The following DGKI variants were observed in gnomAD, a reference collection of about 807,000 sequenced individuals.
DGKI encodes diacylglycerol kinase iota, also known as DAG kinase iota.
In DGKI, 55 loss-of-function variants were observed where a neutral mutation model predicts 147.5. That is an observed-to-expected ratio of 0.37 (90% CI 0.30 to 0.47). The LOEUF is 0.47. Ranked by LOEUF, DGKI falls within the 20% of genes least tolerant of loss-of-function variation. The pLI is 1.00. For synonymous variants in DGKI, 469 were observed against 477.1 expected (o/e 0.98, Z 0.22); for missense variants, 1,007 against 1,323.8 (o/e 0.76, Z 3.71).
intron 8 of DGKI, 53 bp downstream of exon 8, chr7:137,619,771 G>T: frequency 1.5e-6 from 2 of 1,364,392 alleles, no homozygotes; most frequent in Non-Finnish European, 2.1e-6. Flanking sequence ...GCACGAAGCA[G>T]CAGTTCATTT....
chr7:137,663,964 T>G (rs551536606), intron 3 of DGKI, among the ~76,000 whole-genome samples: 2 of 152,124 alleles, frequency 1.3e-5, no homozygotes, highest in South Asian at 2.1e-4. Flanking sequence ...TTAGGAAACA[T>G]TAGGAGACAA....
intron 23 of DGKI, among the ~76,000 whole-genome samples, chr7:137,470,253 A>G (rs1188028283): frequency 6.6e-6 from 1 of 152,170 alleles, no homozygotes; most frequent in Non-Finnish European, 1.5e-5. Flanking sequence ...CAATGTGCTC[A>G]TTCACCTGAG....
In DGKI at chr7:137,653,725, T is replaced by C. The variant is rs1822118596; in HGVS notation, c.738+1007A>G. On this transcript the variant is annotated intron_variant, in intron 5 of 32. Coordinates refer to ENST00000614521, the MANE Select transcript of DGKI (RefSeq NM_001321708.2). ...GAGCTGATCTGAGGAGTAGACCAGC[T>C]GGGGAGGTTTCCAAGGGGTAAATCT... Among the ~76,000 whole-genome samples, 3 of 152,320 alleles carry C rather than the reference T, an allele frequency of 2.0e-5. No homozygotes were observed. The South Asian group carries it at 6.2e-4, about 32-fold the overall frequency.
intron 28 of DGKI, among the ~76,000 whole-genome samples, chr7:137,431,794 G>A (rs1813082530): frequency 6.6e-6 from 1 of 152,172 alleles, no homozygotes; most frequent in Non-Finnish European, 1.5e-5. Context: ...GGAAACCCAG[G>A]CCTGATGCAA....
At chr7:137,659,344 G>A (rs567033707) in intron 3 of DGKI, among the ~76,000 whole-genome samples, 14 of 152,190 alleles carry the variant, frequency 9.2e-5, no homozygotes, top group African/African-American at 1.4e-4. Context: ...TTAGCAAATC[G>A]GAAATTTTAA....
chr7:137,708,266 C>G (rs1794103032), intron 1 of DGKI, among the ~76,000 whole-genome samples: 1 of 152,214 alleles, frequency 6.6e-6, no homozygotes, highest in Non-Finnish European at 1.5e-5. Flanking sequence ...GCCTCTCGCC[C>G]TACTCTTAGT....
Position 137,838,194 on chromosome 7 carries a change from G to A in DGKI, c.401+8268C>T, listed in dbSNP as rs537349186. 3.0e-4 allele frequency among the ~76,000 whole-genome samples: 45 copies of A among 151,930 alleles called. No homozygotes were observed. The South Asian group carries it at 5.2e-3, about 18-fold the overall frequency. Reference sequence around the variant, plus strand: ...ATTTTTCTTGTATTTTAGTAAAGACGGGGTTTTACCATGTTGGCCAGGATG... The same window carrying A: ...ATTTTTCTTGTATTTTAGTAAAGACAGGGTTTTACCATGTTGGCCAGGATG... On this transcript the variant is annotated intron_variant, in intron 1 of 32. Transcript: ENST00000614521.
At chr7:137,518,427 C>T (rs73449403) in intron 21 of DGKI, among the ~76,000 whole-genome samples, 17 of 152,062 alleles carry the variant, frequency 1.1e-4, no homozygotes, top group African/African-American at 3.9e-4. Context: ...TTAACACTAA[C>T]GATACTAGGA....
chr7:137,644,884 T>C (rs1015613454), intron 6 of DGKI, among the ~76,000 whole-genome samples: 4 of 152,186 alleles, frequency 2.6e-5, no homozygotes, highest in Non-Finnish European at 5.9e-5. Context: ...TTTAATAGTA[T>C]ACAATCACAA....
At chr7:137,585,586 C>CA (rs1270875065) in intron 13 of DGKI, among the ~76,000 whole-genome samples, 2 of 151,696 alleles carry the variant, frequency 1.3e-5, no homozygotes, top group African/African-American at 2.4e-5. Flanking sequence ...CAGCAAGAAC[C>CA]AATAGTCACC....
intron 20 of DGKI, among the ~76,000 whole-genome samples, chr7:137,531,764 A>T (rs1373877197): frequency 6.6e-6 from 1 of 152,204 alleles, no homozygotes; most frequent in Non-Finnish European, 1.5e-5. Context: ...TTGCTAAAAA[A>T]GGGTGTGGAT....
At chr7:137,500,467 T>C (rs1268658008) in intron 21 of DGKI, among the ~76,000 whole-genome samples, 1 of 152,182 alleles carries the variant, frequency 6.6e-6, no homozygotes, top group Non-Finnish European at 1.5e-5. Flanking sequence ...ATGAAAACTA[T>C]TCAACCTCAG....
intron 26 of DGKI, among the ~76,000 whole-genome samples, chr7:137,464,256 CAAAAAAAA>C (rs58290482): frequency 4.2e-5 from 2 of 47,758 alleles, no homozygotes; most frequent in African/African-American, 8.2e-5. Context: ...GACTCCATCT[CAAAAAAAA>C]AAAAAAAAAA....
chr7:137,688,239 C>T (rs1823489830), intron 2 of DGKI, among the ~76,000 whole-genome samples: 1 of 152,188 alleles, frequency 6.6e-6, no homozygotes. Flanking sequence ...GAAACCGTAT[C>T]TTCTTCACCT....
intron 6 of DGKI, among the ~76,000 whole-genome samples, chr7:137,626,173 T>C (rs945933034): frequency 2.6e-5 from 4 of 152,164 alleles, no homozygotes; most frequent in African/African-American, 4.8e-5. Flanking sequence ...CACTATACAC[T>C]GAGTCCTGTG....
At chr7:137,824,696 C>T (rs1303264762) in intron 1 of DGKI, among the ~76,000 whole-genome samples, 3 of 151,964 alleles carry the variant, frequency 2.0e-5, no homozygotes, top group East Asian at 1.9e-4. Flanking sequence ...TTTCCTGATC[C>T]TCTCCCTCCT....
chr7:137,581,786 G>T, intron 15 of DGKI, 64 bp downstream of exon 15: 1 of 1,372,504 alleles, frequency 7.3e-7, no homozygotes. Flanking sequence ...AAACAAAAGG[G>T]AACATGCAAA....
In DGKI at chr7:137,676,119, ATT is replaced by A. The variant is rs376854280; in HGVS notation, c.606+2436_606+2437del. ...CGAGGTGGGGAGAGAGACTGAGAGG[ATT>A]TTCAGTGCTTTCAGTACACACTGCC... is the stretch of plus-strand genomic sequence containing the variant. On this transcript the variant is annotated intron_variant, in intron 3 of 32. Transcript: ENST00000614521. Among the ~76,000 whole-genome samples the A allele has an allele frequency of 6.0e-3, 920 of 152,096 alleles. 7 individuals are homozygous for A. Among genetic ancestry groups the A allele is most frequent in the South Asian group, 0.039 (188 of 4,820 alleles).
intron 24 of DGKI, among the ~76,000 whole-genome samples, chr7:137,467,183 C>A (rs1407126266): frequency 6.6e-6 from 1 of 152,188 alleles, no homozygotes; most frequent in African/African-American, 2.4e-5. Flanking sequence ...CTTTAAAGAA[C>A]CAGCTCAAGT....
Sources: allele counts gnomAD v4.1 joint callset (sites outside exome capture counted in the v4.1 genomes callset), GRCh38; gene constraint gnomAD v4.1.1; transcripts MANE v1.5; gene names NCBI Gene and HGNC (gene_info 2026-07-23, HGNC 2026-07-21).